The following PEAK1 variants were observed in gnomAD, a reference collection of about 807,000 sequenced individuals.
PEAK1 encodes the protein inactive tyrosine-protein kinase PEAK1.
PEAK1 carries 54 observed loss-of-function variants against 124.7 expected under a neutral mutation model. That is an observed-to-expected ratio of 0.43 (90% CI 0.35 to 0.54). The LOEUF (loss-of-function observed/expected upper bound fraction) is 0.54. Among genes scored for constraint, PEAK1 ranks in the 20% least tolerant of loss-of-function variants. The pLI is 0.01. For synonymous variants in PEAK1, 719 were observed against 760.0 expected, an observed-to-expected ratio of 0.95 and a Z score of 0.89; for missense variants, 2,046 against 2,134.5, an observed-to-expected ratio of 0.96 and a Z score of 0.82.
chr15:77,239,132 C>T (rs569552023), intron 6 of PEAK1, among the ~76,000 whole-genome samples: 1 of 152,264 alleles, frequency 6.6e-6, no homozygotes, highest in East Asian at 1.9e-4. Flanking sequence ...CCATCTTGTA[C>T]TGAAGTTTCA....
intron 9 of PEAK1, among the ~76,000 whole-genome samples, chr15:77,131,044 T>C (rs935390890): frequency 1.3e-5 from 2 of 152,232 alleles, no homozygotes; most frequent in Non-Finnish European, 2.9e-5. Flanking sequence ...CCTATGGCTT[T>C]CTGCTACAGT....
downstream of PEAK1, chr15:77,104,909 G>C (rs2050731546): frequency 6.6e-6 from 1 of 152,210 alleles, no homozygotes; most frequent in South Asian, 2.1e-4. Flanking sequence ...CACCCCCAGG[G>C]CTGGCTTTCT....
intron 2 of PEAK1, among the ~76,000 whole-genome samples, chr15:77,314,294 C>T (rs1046030119): frequency 3.3e-5 from 5 of 149,918 alleles, no homozygotes; most frequent in South Asian, 4.2e-4. Context: ...AAACCTGATA[C>T]GAAAAAAAAA....
At chr15:77,339,432 C>A (rs1325305673) in intron 2 of PEAK1, among the ~76,000 whole-genome samples, 1 of 152,024 alleles carries the variant, frequency 6.6e-6, no homozygotes, top group African/African-American at 2.4e-5. Context: ...GTGTTTATAT[C>A]TAATTGTATG....
At chr15:77,156,780 G>C (rs2055195109) in intron 8 of PEAK1, 1 of 152,148 alleles carries the variant, frequency 6.6e-6, no homozygotes, top group African/African-American at 2.4e-5. Flanking sequence ...AGAATGTCTA[G>C]AAGATATTAT....
At chr15:77,182,708 C>CCA (rs2057340929) in intron 6 of PEAK1, among the ~76,000 whole-genome samples, 1 of 129,750 alleles carries the variant, frequency 7.7e-6, no homozygotes, top group African/African-American at 2.8e-5. Context: ...GCAGATTGTG[C>CCA]CACAGTACTT....
At chr15:77,105,340 G>T (rs1484062234), downstream of PEAK1, 1 of 143,852 alleles carries the variant, frequency 7.0e-6, no homozygotes, top group South Asian at 2.2e-4. Context: ...GTGTGTGTGT[G>T]TGTGTGTGTG....
chr15:77,406,061 G>T (rs1021997544), intron 1 of PEAK1, among the ~76,000 whole-genome samples: 5 of 152,142 alleles, frequency 3.3e-5, no homozygotes, highest in African/African-American at 9.7e-5. Context: ...CTGCATAGAA[G>T]AAAATAGATT....
chr15:77,219,385 G>A (rs1440108159), intron 6 of PEAK1, among the ~76,000 whole-genome samples: 1 of 152,102 alleles, frequency 6.6e-6, no homozygotes, highest in Non-Finnish European at 1.5e-5. Flanking sequence ...ATTTAATAGT[G>A]AGGGCTATTA....
intron 2 of PEAK1, among the ~76,000 whole-genome samples, chr15:77,312,374 T>C (rs2064528774): frequency 6.6e-6 from 1 of 152,222 alleles, no homozygotes; most frequent in South Asian, 2.1e-4. Context: ...CAATACTGAC[T>C]GATAAGAGTT....
At chr15:77,142,943 T>C (rs2053901788) in intron 8 of PEAK1, among the ~76,000 whole-genome samples, 1 of 152,198 alleles carries the variant, frequency 6.6e-6, no homozygotes, top group African/African-American at 2.4e-5. Context: ...TAAAACTAAC[T>C]GAATTGCACA....
At position 77,152,183 on chromosome 15, in the gene PEAK1, C is replaced by T. The variant is rs544050545; in HGVS notation, c.3331+6320G>A. Among the ~76,000 whole-genome samples, 816 of 152,160 alleles carry T rather than the reference C, an allele frequency of 5.4e-3. 7 individuals carry two copies. The highest frequency in any genetic ancestry group is 0.019 in the African/African-American group (769 of 41,538). ...TTTCATTGAGCAGTGGTTTGTAGTT[C>T]TCCTTGAAGAGGTCCTTCACATCCC... On this transcript the variant is annotated intron_variant, in intron 8 of 9. Transcript: ENST00000682557.
chr15:77,150,819 G>A (rs375129309), intron 8 of PEAK1, among the ~76,000 whole-genome samples: 69 of 152,022 alleles, frequency 4.5e-4, no homozygotes, highest in East Asian at 3.7e-3. Flanking sequence ...AATTTCATCC[G>A]TGTCCCTACA....
intron 2 of PEAK1, chr15:77,334,249 A>G: frequency 3.0e-6 from 3 of 984,734 alleles, no homozygotes; most frequent in Non-Finnish European, 3.6e-6. Flanking sequence ...ATAGGCTTTC[A>G]GGTAATTTTC....
At chr15:77,142,676 T>C (rs569211470) in intron 8 of PEAK1, among the ~76,000 whole-genome samples, 2 of 152,254 alleles carry the variant, frequency 1.3e-5, no homozygotes, top group South Asian at 2.1e-4. Flanking sequence ...TGGAAAAACC[T>C]TGAAAACATG....
At chr15:77,269,048 C>G (rs1006126358) in intron 5 of PEAK1, among the ~76,000 whole-genome samples, 1 of 151,534 alleles carries the variant, frequency 6.6e-6, no homozygotes, top group Admixed American at 6.6e-5. Context: ...CCAAATACAC[C>G]CAAATCGAAT....
chr15:77,261,416 G>C (rs2061432913), intron 5 of PEAK1, among the ~76,000 whole-genome samples: 1 of 152,106 alleles, frequency 6.6e-6, no homozygotes, highest in African/African-American at 2.4e-5. Context: ...CCAATGCAGA[G>C]AAGTCCTTAA....
In PEAK1 at chr15:77,133,647, G is replaced by A; in HGVS notation, c.3435C>T (p.Pro1145=). 1 of 1,614,112 alleles carries A rather than the reference G, an allele frequency of 6.2e-7. No individual in the cohort carries two copies. Among genetic ancestry groups the A allele is most frequent in the Non-Finnish European group, 8.5e-7 (1 of 1,180,016 alleles). The part of the protein sequence containing the change: ...AFGGKTDQEA[P]NASQPTPPPL... Reference sequence around the variant, plus strand: ...GGGGTGGTGTAGGTTGGGAAGCATTGGGTGCTTCTTGGTCTGTTTTCCCTC... The same window carrying A: ...GGGGTGGTGTAGGTTGGGAAGCATTAGGTGCTTCTTGGTCTGTTTTCCCTC... The change falls in exon 9 of 10, where the codon CCC becomes CCT. Residue 1145 remains proline, a synonymous_variant. Coordinates refer to ENST00000682557, the MANE Select transcript of PEAK1 (RefSeq NM_001385026.1). This position sits in a 1 kb window ranked among gnomAD's most constrained non-coding sequence, Gnocchi z 4.2.
intron 2 of PEAK1, among the ~76,000 whole-genome samples, chr15:77,339,144 T>C (rs1441797897): frequency 6.6e-6 from 1 of 151,654 alleles, no homozygotes; most frequent in Non-Finnish European, 1.5e-5. Context: ...ACGGTCTCAT[T>C]ATGTCGCCCA....
Sources: gnomAD v4.1 joint callset for allele counts (sites outside exome capture counted in the v4.1 genomes callset) on GRCh38, gnomAD v4.1.1 for gene constraint, Gnocchi (gnomAD v3.1) non-coding constraint, MANE v1.5 for transcripts, NCBI Gene and HGNC (gene_info 2026-07-23, HGNC 2026-07-21) for gene names.